The following WWOX variants were observed in gnomAD, a reference collection of about 807,000 sequenced individuals.
WWOX encodes WW domain-containing oxidoreductase.
A neutral mutation model predicts 46.2 loss-of-function variants in WWOX; 69 were observed. The observed-to-expected ratio is 1.49, with a 90% CI of 1.23 to 1.82. WWOX has a LOEUF of 1.82. Ranked by LOEUF, WWOX falls within the 40% of genes most tolerant of loss-of-function variation. The pLI is 0.00. For synonymous variants in WWOX, 359 were observed against 202.6 expected, an observed-to-expected ratio of 1.77 and a Z score of -6.56; for missense variants, 919 against 542.6, an observed-to-expected ratio of 1.69 and a Z score of -6.89.
intron 8 of WWOX, among the ~76,000 whole-genome samples, chr16:78,821,449 A>G (rs536097128): frequency 6.6e-6 from 1 of 152,230 alleles, no homozygotes; most frequent in Admixed American, 6.5e-5. Context: ...AATAAAGTAG[A>G]TGAGTTTCAG....
chr16:78,425,524 A>G (rs947745223), intron 7 of WWOX, among the ~76,000 whole-genome samples: 2 of 152,250 alleles, frequency 1.3e-5, no homozygotes, highest in East Asian at 3.8e-4. Context: ...GAAGAACTGT[A>G]GTTAGAGCAT....
At chr16:78,614,472 C>T (rs2045974643) in intron 8 of WWOX, among the ~76,000 whole-genome samples, 1 of 152,240 alleles carries the variant, frequency 6.6e-6, no homozygotes, top group South Asian at 2.1e-4. Flanking sequence ...GGCAGGTCCT[C>T]TGGGCCAGCC....
At chr16:79,084,279 A>G (rs1416183428) in intron 8 of WWOX, among the ~76,000 whole-genome samples, 1 of 152,238 alleles carries the variant, frequency 6.6e-6, no homozygotes, top group Non-Finnish European at 1.5e-5. Flanking sequence ...AGCTGTACAA[A>G]GAGAAGTAGA....
intron 8 of WWOX, among the ~76,000 whole-genome samples, chr16:78,797,417 C>T (rs1225329216): frequency 6.9e-6 from 1 of 145,808 alleles, no homozygotes; most frequent in Admixed American, 6.9e-5. Context: ...CCGACAGGTA[C>T]GAGCTTGTAG....
intron 8 of WWOX, among the ~76,000 whole-genome samples, chr16:78,976,370 C>G (rs1291624624): frequency 6.6e-6 from 1 of 152,220 alleles, no homozygotes; most frequent in African/African-American, 2.4e-5. Flanking sequence ...CTCGCTCACT[C>G]CCAGCACTCA....
At chr16:78,129,485 A>G (rs2033502737) in intron 4 of WWOX, among the ~76,000 whole-genome samples, 2 of 152,140 alleles carry the variant, frequency 1.3e-5, no homozygotes, top group Non-Finnish European at 2.9e-5. Flanking sequence ...CAGTGTTGTA[A>G]TCTTATGGGA....
At chr16:78,139,761 A>G (rs533284506) in intron 4 of WWOX, among the ~76,000 whole-genome samples, 1 of 152,340 alleles carries the variant, frequency 6.6e-6, no homozygotes, top group Non-Finnish European at 1.5e-5. Flanking sequence ...AGACATATTT[A>G]TGCATAATTT....
chr16:79,122,573 T>C (rs538597509), intron 8 of WWOX, among the ~76,000 whole-genome samples: 2 of 152,074 alleles, frequency 1.3e-5, no homozygotes, highest in South Asian at 4.2e-4. Flanking sequence ...ATTCTTTCTT[T>C]CCCTCTCTCT....
intron 8 of WWOX, among the ~76,000 whole-genome samples, chr16:78,938,411 C>T (rs1373213979): frequency 1.3e-5 from 2 of 151,862 alleles, no homozygotes; most frequent in East Asian, 1.9e-4. Flanking sequence ...GGCCCAGACA[C>T]AGAGAGCTTG....
intron 5 of WWOX, among the ~76,000 whole-genome samples, chr16:78,377,684 A>G (rs1028718041): frequency 2.6e-5 from 4 of 152,274 alleles, no homozygotes; most frequent in African/African-American, 9.6e-5. Context: ...AAGGTTTTGG[A>G]TTATTTTCGC....
At chr16:79,123,392 C>A (rs915640942) in intron 8 of WWOX, among the ~76,000 whole-genome samples, 1 of 152,118 alleles carries the variant, frequency 6.6e-6, no homozygotes, top group Non-Finnish European at 1.5e-5. Context: ...TTCGTAACTC[C>A]CCAGGTTTTC....
At chr16:79,050,806 C>G (rs1373082880) in intron 8 of WWOX, among the ~76,000 whole-genome samples, 2 of 152,226 alleles carry the variant, frequency 1.3e-5, no homozygotes, top group Non-Finnish European at 2.9e-5. Flanking sequence ...GCTTGCTTCT[C>G]TTCTGCCGCC....
chr16:78,555,264 G>A (rs1260089636), intron 8 of WWOX, among the ~76,000 whole-genome samples: 8 of 151,696 alleles, frequency 5.3e-5, no homozygotes, highest in East Asian at 3.9e-4. Context: ...TATACTGTCC[G>A]GGGAAAGGAA....
intron 8 of WWOX, among the ~76,000 whole-genome samples, chr16:78,701,262 A>T (rs2048210070): frequency 2.0e-5 from 3 of 152,278 alleles, no homozygotes; most frequent in South Asian, 4.1e-4. Flanking sequence ...ATCTGTATTA[A>T]GACAGGGTCT....
intron 8 of WWOX, among the ~76,000 whole-genome samples, chr16:78,802,730 A>G (rs1011372056): frequency 6.6e-6 from 1 of 151,644 alleles, no homozygotes; most frequent in African/African-American, 2.4e-5. Context: ...AGCCTGGGCA[A>G]TATGGTGAAG....
chr16:78,865,526 A>G (rs1429846161), intron 8 of WWOX, among the ~76,000 whole-genome samples: 1 of 152,216 alleles, frequency 6.6e-6, no homozygotes, highest in African/African-American at 2.4e-5. Flanking sequence ...ATACAAATTT[A>G]TAATTCCTTA....
chr16:78,149,316 T>C (rs2034317205), intron 4 of WWOX, among the ~76,000 whole-genome samples: 1 of 152,224 alleles, frequency 6.6e-6, no homozygotes, highest in East Asian at 1.9e-4. Flanking sequence ...ATTAAGTCTA[T>C]AATTGTAAAC....
At chr16:78,890,245 GA>G (rs1168442000) in intron 8 of WWOX, 1 of 151,564 alleles carries the variant, frequency 6.6e-6, no homozygotes, top group Non-Finnish European at 1.5e-5. Flanking sequence ...TGGAAGTTCT[GA>G]AAATAAATAA....
At chr16:78,564,586 A>G (rs1035655402) in intron 8 of WWOX, among the ~76,000 whole-genome samples, 1 of 152,174 alleles carries the variant, frequency 6.6e-6, no homozygotes, top group East Asian at 1.9e-4. Context: ...TATCAAGAAA[A>G]GATCATTTCT....
Sources: gnomAD v4.1 joint callset for allele counts (sites outside exome capture counted in the v4.1 genomes callset) on GRCh38, gnomAD v4.1.1 for gene constraint, MANE v1.5 for transcripts, NCBI Gene and HGNC (gene_info 2026-07-23, HGNC 2026-07-21) for gene names.